CUX2: variants seen among roughly 807,000 people sequenced by gnomAD.
The protein encoded by CUX2 is cut like homeobox 2.
CUX2 carries 40 observed loss-of-function variants against 144.8 expected under a neutral mutation model. That is an observed-to-expected ratio of 0.28 (90% CI 0.21 to 0.36). CUX2 has a LOEUF of 0.36. CUX2 is among the 10% of genes least tolerant of loss of function. The pLI, the probability that CUX2 is intolerant of heterozygous loss-of-function variation, is 1.00. For missense variants in CUX2, 1,615 were observed against 1,994.0 expected, an observed-to-expected ratio of 0.81 and a Z score of 3.62; for synonymous variants, 827 against 875.6, an observed-to-expected ratio of 0.94 and a Z score of 0.98.
At chr12:111,053,964 G>A (rs1213018411) in intron 1 of CUX2, among the ~76,000 whole-genome samples, 1 of 152,162 alleles carries the variant, frequency 6.6e-6, no homozygotes, top group Non-Finnish European at 1.5e-5. Context: ...AGACCAGCCT[G>A]GCCAATGTGG....
intron 1 of CUX2, among the ~76,000 whole-genome samples, chr12:111,153,331 A>G (rs967418415): frequency 3.3e-5 from 5 of 152,260 alleles, no homozygotes; most frequent in African/African-American, 9.6e-5. Flanking sequence ...ATTTACAGTC[A>G]TGCATCACTT....
chr12:111,257,778 A>ATCC (rs923948685), intron 3 of CUX2, among the ~76,000 whole-genome samples: 6 of 125,678 alleles, frequency 4.8e-5, no homozygotes, highest in East Asian at 2.4e-4. Flanking sequence ...CCCTTCCTCC[A>ATCC]TCCTCCTCCT....
chr12:111,206,420 C>T (rs1375497382), intron 1 of CUX2, among the ~76,000 whole-genome samples: 2 of 152,272 alleles, frequency 1.3e-5, no homozygotes, highest in African/African-American at 4.8e-5. Flanking sequence ...CTTCATCCTT[C>T]CAGACACAGG....
At chr12:111,273,621 A>AT (rs577955142) in intron 4 of CUX2, among the ~76,000 whole-genome samples, 3 of 152,222 alleles carry the variant, frequency 2.0e-5, no homozygotes, top group Non-Finnish European at 2.9e-5. Flanking sequence ...TGAAATGCAG[A>AT]TGTGTGCTCG....
At chr12:111,078,988 T>A (rs775992155) in intron 1 of CUX2, among the ~76,000 whole-genome samples, 3 of 152,210 alleles carry the variant, frequency 2.0e-5, no homozygotes, top group Non-Finnish European at 2.9e-5. Context: ...TATCCTGGCC[T>A]GGTCCCATGG....
intron 19 of CUX2, among the ~76,000 whole-genome samples, chr12:111,336,249 G>A (rs1437517404): frequency 1.3e-5 from 2 of 152,078 alleles, no homozygotes; most frequent in African/African-American, 4.8e-5. Flanking sequence ...TCTTAAATGC[G>A]GGTGATGCCC....
intron 3 of CUX2, among the ~76,000 whole-genome samples, chr12:111,227,687 G>C (rs1319847602): frequency 6.6e-6 from 1 of 152,160 alleles, no homozygotes; most frequent in African/African-American, 2.4e-5. Flanking sequence ...GCAGCCAGCT[G>C]GGGGCAGGGA....
intron 1 of CUX2, among the ~76,000 whole-genome samples, chr12:111,079,562 A>G (rs937723554): frequency 2.0e-4 from 30 of 152,150 alleles, no homozygotes; most frequent in African/African-American, 6.7e-4. Flanking sequence ...GCTGTTGGTT[A>G]AGTTTGTAGA....
intron 1 of CUX2, among the ~76,000 whole-genome samples, chr12:111,132,637 A>G (rs1875573305): frequency 7.0e-6 from 1 of 142,808 alleles, no homozygotes; most frequent in Non-Finnish European, 1.5e-5. Context: ...CACTATCTCA[A>G]CTAACCGCAA....
chr12:111,309,238 A>C (rs947759451), intron 14 of CUX2, among the ~76,000 whole-genome samples: 5 of 152,190 alleles, frequency 3.3e-5, no homozygotes, highest in African/African-American at 4.8e-5. Context: ...GGCCCCAGGC[A>C]GGACACTGTG....
chr12:111,198,437 T>C (rs1880373747), intron 1 of CUX2, among the ~76,000 whole-genome samples: 1 of 149,568 alleles, frequency 6.7e-6, no homozygotes, highest in South Asian at 2.1e-4. Flanking sequence ...ATTGTGCCAC[T>C]GCACTCCAAC....
At chr12:111,067,334 C>T (rs1006598283) in intron 1 of CUX2, among the ~76,000 whole-genome samples, 1 of 152,000 alleles carries the variant, frequency 6.6e-6, no homozygotes, top group Admixed American at 6.5e-5. Context: ...ATAGCTGAGA[C>T]GTGGGAAGGA....
In CUX2 at chr12:111,320,077, G is replaced by A. The variant is rs1240789143; in HGVS notation, c.2068G>A (p.Glu690Lys). 6.4e-7 allele frequency: 1 copy of A among 1,555,168 alleles called. No individual in the cohort carries two copies. The highest frequency in any genetic ancestry group is 2.4e-5 in the East Asian group (1 of 42,470). ...CGGCACGACCCCCGCCAGCACCTCG[G>A]AGGACGCCATCAAGAGCATCCTGGA... is the stretch of plus-strand genomic sequence containing the variant. ...ANGTTPASTS[E>K]DAIKSILEQA... Residue 690 changes from glutamate (E) to lysine (K), a missense_variant, in exon 17 of 22, where the codon GAG becomes AAG. By Grantham distance (56) the Glu-to-Lys change is moderately conservative. This residue lies in a region of CUX2 where 390 missense variants were observed against 387.1 expected (regional missense o/e 1.01). Coordinates refer to ENST00000261726, the MANE Select transcript of CUX2 (RefSeq NM_015267.4). This position sits in a 1 kb window ranked among gnomAD's most constrained non-coding sequence, Gnocchi z 8.1.
intron 1 of CUX2, among the ~76,000 whole-genome samples, chr12:111,173,188 G>T (rs1490348199): frequency 6.6e-6 from 1 of 152,204 alleles, no homozygotes; most frequent in Non-Finnish European, 1.5e-5. Flanking sequence ...CTACTGCGTG[G>T]GAGTCTCCCC....
At chr12:111,262,366 T>C (rs1884169655) in intron 3 of CUX2, among the ~76,000 whole-genome samples, 1 of 146,962 alleles carries the variant, frequency 6.8e-6, no homozygotes, top group Admixed American at 7.3e-5. Flanking sequence ...ATTACAGAGA[T>C]TTTGTAATGG....
intron 1 of CUX2, among the ~76,000 whole-genome samples, chr12:111,093,162 C>T (rs75158434): frequency 2.6e-5 from 4 of 152,300 alleles, no homozygotes; most frequent in East Asian, 1.9e-4. Flanking sequence ...GCAGTTGGAA[C>T]GTAGTGGAGC....
intron 1 of CUX2, among the ~76,000 whole-genome samples, chr12:111,038,168 A>C (rs1270320934): frequency 6.6e-6 from 1 of 152,244 alleles, no homozygotes; most frequent in Non-Finnish European, 1.5e-5. Flanking sequence ...ATGTGATTAA[A>C]ATATTATAAC....
chr12:111,242,630 A>ATGGTGG (rs1257733116), intron 3 of CUX2, among the ~76,000 whole-genome samples: 2 of 152,154 alleles, frequency 1.3e-5, no homozygotes, highest in Non-Finnish European at 2.9e-5. Context: ...CCTGGCCAAC[A>ATGGTGG]TGGTGAAACC....
chr12:111,050,239 T>G (rs1463700209), intron 1 of CUX2, among the ~76,000 whole-genome samples: 1 of 151,866 alleles, frequency 6.6e-6, no homozygotes, highest in Non-Finnish European at 1.5e-5. Flanking sequence ...TCCCTGTTTC[T>G]TTTCAGACCC....
Sources: gnomAD v4.1 joint callset for allele counts (sites outside exome capture counted in the v4.1 genomes callset) on GRCh38, gnomAD v4.1.1 for gene constraint, gnomAD v4.1.1 regional missense constraint, Gnocchi (gnomAD v3.1) non-coding constraint, MANE v1.5 for transcripts, NCBI Gene and HGNC (gene_info 2026-07-23, HGNC 2026-07-21) for gene names.